The following OR4P4 variants were observed in gnomAD, a reference collection of about 807,000 sequenced individuals.
The protein encoded by OR4P4 is olfactory receptor 4P4.
In OR4P4, 1 loss-of-function variant was observed where a neutral mutation model predicts 2.1. That is an observed-to-expected ratio of 0.47 (90% CI 0.17 to 2.21). OR4P4 has a LOEUF of 2.21. Ranked by LOEUF, OR4P4 falls within the 30% of genes most tolerant of loss-of-function variation. OR4P4 has a pLI of 0.27. For synonymous variants in OR4P4, 129 were observed against 133.2 expected (o/e 0.97, Z 0.22); for missense variants, 375 against 376.5 (o/e 1.00, Z 0.03).
Position 55,640,207 on chromosome 11 carries a change from AAG to A in OR4P4, c.*914_*915del, listed in dbSNP as rs1200803142. 4.4e-5 allele frequency: 6 copies of A among 136,494 alleles called. 1 individual carries two copies. In the Admixed American group the frequency reaches 4.8e-4, roughly 11 times the overall value. The allele number at this position is 136,494 out of a possible 1,614,324, so 8.5% of individuals were successfully genotyped here. A position where few individuals can be genotyped will look rare whatever the true frequency, so the allele number is the denominator to read the frequency against. On this transcript the variant is annotated 3_prime_UTR_variant, in exon 2 of 2. Transcript: ENST00000641760. ...TATCTTTTCTTGTACTTTGAAGAGT[AAG>A]AGTGATTTACATTTTGTTGCTGCGT...
rs764901711 is a variant in OR4P4 at position 55,639,093 on chromosome 11, G to C, written c.736G>C (p.Val246Leu). 7 of 1,492,998 alleles carry C rather than the reference G, an allele frequency of 4.7e-6. 2 individuals carry two copies. The highest frequency in any genetic ancestry group is 2.4e-5 in the South Asian group (2 of 84,902). 92.5% of individuals were successfully genotyped at this position (1,492,998 alleles called of 1,614,324 possible). The change falls in exon 2 of 2, where the codon GTC (valine) becomes CTC (leucine). Residue 246 changes from valine (V) to leucine (L), a missense_variant. Coordinates refer to ENST00000641760, the Ensembl canonical transcript of OR4P4. Reference sequence around the variant, plus strand: ...TTGTAGTTCTCATGTAATTGTTGTGGTCCTGTTTTTTGCACCTGCATTGTT... The same window carrying C: ...TTGTAGTTCTCATGTAATTGTTGTGCTCCTGTTTTTTGCACCTGCATTGTT...
chr11:55,638,663 C>T lies in OR4P4; in HGVS notation c.306C>T (p.Thr102=). The T allele has an allele frequency of 4.0e-6, 6 of 1,492,582 alleles. 2 individuals carry two copies. Among genetic ancestry groups the T allele is most frequent in the Non-Finnish European group, 3.6e-6 (4 of 1,097,160 alleles). The allele number at this position is 1,492,582 out of a possible 1,614,324, so 92.5% of individuals were successfully genotyped here. The change falls in exon 2 of 2, where the codon ACC becomes ACT. Residue 102 remains threonine, a synonymous_variant. Transcript: ENST00000641760. ...ACTGTATGATACAACTCTTTACCAC[C>T]CATTTTTTTGGAGGCATAGAGATCT...
At position 55,638,106 on chromosome 11, in the gene OR4P4, T is replaced by C. The variant is rs1858409532; in HGVS notation, c.-30-222T>C. On this transcript the variant is annotated intron_variant, in intron 1 of 1. Transcript: ENST00000641760. ...ATTGAACAATAGAATTCATACCTAC[T>C]AGGGCAGGGATTGATCACAGTGTGC... is the stretch of plus-strand genomic sequence containing the variant. 1.5e-5 allele frequency among the ~76,000 whole-genome samples: 2 copies of C among 137,146 alleles called. 1 individual carries two copies. Among genetic ancestry groups the C allele is most frequent in the Non-Finnish European group, 3.2e-5 (2 of 61,718 alleles). 90.0% of individuals were successfully genotyped at this position (137,146 alleles called of 152,430 possible).
chr11:55,637,648 C>G (rs1197156685), intron 1 of OR4P4, among the ~76,000 whole-genome samples: 1 of 137,584 alleles, frequency 7.3e-6, no homozygotes, highest in Admixed American at 7.9e-5. Flanking sequence ...GAAATTAGGG[C>G]TGAAAATGTA....
At chr11:55,638,712 G>A in exon 2 of OR4P4, 1 of 1,492,200 alleles carries the variant, frequency 6.7e-7, no homozygotes, top group Non-Finnish European at 9.1e-7. Context: ...GATGGCCTAT[G>A]ACCGCTATGT....
chr11:55,639,088 T>C, exon 2 of OR4P4: 1 of 1,493,044 alleles, frequency 6.7e-7, no homozygotes, highest in Non-Finnish European at 9.1e-7. Context: ...CATGTAATTG[T>C]TGTGGTCCTG....
exon 2 of OR4P4, chr11:55,639,048 C>T (rs61896975): frequency 0.072 from 107,996 of 1,490,652 alleles, 24,757 homozygotes; most frequent in Non-Finnish European, 0.083. Context: ...TGCAGAGAGA[C>T]GCAGCAAAGC....
At position 55,639,132 on chromosome 11, in the gene OR4P4, C is replaced by T. The variant is rs2120184550; in HGVS notation, c.775C>T (p.Pro259Ser). ...ACCTGCATTGTTCATTTACATTAGA[C>T]CGGTCACAACATTCTCAGAAGATAA... Residue 259 changes from proline to serine, a missense_variant, in exon 2 of 2, where the codon CCG (proline) becomes TCG (serine). Coordinates refer to ENST00000641760, the Ensembl canonical transcript of OR4P4. The T allele has an allele frequency of 2.0e-6, 3 of 1,493,676 alleles. 1 individual carries two copies. Among genetic ancestry groups the T allele is most frequent in the East Asian group, 5.2e-5 (2 of 38,780 alleles). The allele number at this position is 1,493,676 out of a possible 1,614,324, so 92.5% of individuals were successfully genotyped here.
At chr11:55,639,252 G>T in exon 2 of OR4P4, 1 of 1,479,978 alleles carries the variant, frequency 6.8e-7, no homozygotes, top group Non-Finnish European at 9.2e-7. Context: ...CATGAGGAAA[G>T]TGTGGTGTTG....
At chr11:55,638,684 G>A in exon 2 of OR4P4, 2 of 1,491,802 alleles carry the variant, frequency 1.3e-6, no homozygotes, top group Non-Finnish European at 1.8e-6. Context: ...GAGGCATAGA[G>A]ATCTTCATTC....
At position 55,635,235 on chromosome 11, in the gene OR4P4, G is replaced by A. The variant is rs1483422602; in HGVS notation, c.-31+19G>A. On this transcript the variant is annotated intron_variant, in intron 1 of 1. Coordinates refer to ENST00000641760, the Ensembl canonical transcript of OR4P4. ...CTAATTGGTGAGTTGATTACATGGG[G>A]GACATATAAATAATTAACTGTAAGT... 7.3e-6 allele frequency: 1 copy of A among 137,536 alleles called. No homozygotes were observed. Among genetic ancestry groups the A allele is most frequent in the African/African-American group, 2.5e-5 (1 of 39,822 alleles). The allele number at this position is 137,536 out of a possible 1,614,324, so 8.5% of individuals were successfully genotyped here. A position where few individuals can be genotyped will look rare whatever the true frequency, so the allele number is the denominator to read the frequency against.
intron 1 of OR4P4, 117 bp from the exon 2 acceptor site, chr11:55,638,211 A>C (rs1748161905): frequency 2.1e-6 from 1 of 486,482 alleles, no homozygotes; most frequent in South Asian, 3.4e-5. Context: ...AATACCAGAT[A>C]TTTACTCTCT....
rs771367613 is a variant in OR4P4 at position 55,638,539 on chromosome 11, T to A, written c.182T>A (p.Leu61His). The A allele has an allele frequency of 2.7e-6, 4 of 1,483,964 alleles. 1 individual carries two copies. In the South Asian group the frequency reaches 4.8e-5, roughly 18 times the overall value. The allele number at this position is 1,483,964 out of a possible 1,614,324, so 91.9% of individuals were successfully genotyped here. A position where few individuals can be genotyped will look rare whatever the true frequency, so the allele number is the denominator to read the frequency against. ...ATTCACCAACCCATGTATTTCTTCC[T>A]CAATTACCTCTCACTCTCCGACCTT... is the stretch of plus-strand genomic sequence containing the variant. Residue 61 changes from leucine to histidine, a missense_variant, in exon 2 of 2, where the codon CTC becomes CAC. Physicochemically the swap from Leu to His is moderately conservative, Grantham distance 99 (BLOSUM62 -3). Coordinates refer to ENST00000641760, the Ensembl canonical transcript of OR4P4.
rs1362932145 is a variant in OR4P4 at position 55,637,863 on chromosome 11, G to A, written c.-30-465G>A. ...TTTATGCAATCAAATCCCATTTGTT[G>A]ATATCAATATTGCTAATGCTTAGTG... On this transcript the variant is annotated intron_variant, in intron 1 of 1. Coordinates refer to ENST00000641760, the Ensembl canonical transcript of OR4P4. Among the ~76,000 whole-genome samples the A allele has an allele frequency of 2.2e-5, 3 of 137,902 alleles. 1 individual carries two copies. Among genetic ancestry groups the A allele is most frequent in the East Asian group, 2.4e-4 (1 of 4,232 alleles). 90.5% of individuals were successfully genotyped at this position (137,902 alleles called of 152,430 possible). A position where few individuals can be genotyped will look rare whatever the true frequency, so the allele number is the denominator to read the frequency against.
intron 1 of OR4P4, among the ~76,000 whole-genome samples, chr11:55,636,344 T>A (rs2120179042): frequency 7.2e-6 from 1 of 138,258 alleles, no homozygotes. Context: ...GATCCTGAAC[T>A]GATTCAGTTT....
exon 2 of OR4P4, chr11:55,638,772 T>G (rs1394489139): frequency 6.7e-7 from 1 of 1,492,898 alleles, no homozygotes; most frequent in Non-Finnish European, 9.1e-7. Context: ...CAGGCAAAAG[T>G]GTAACACAAT....
exon 2 of OR4P4, chr11:55,638,716 G>T (rs143338269): frequency 6.7e-7 from 1 of 1,491,486 alleles, no homozygotes; most frequent in African/African-American, 1.4e-5. Context: ...GCCTATGACC[G>T]CTATGTGGCC....
intron 1 of OR4P4, among the ~76,000 whole-genome samples, chr11:55,637,827 G>A (rs1858406092): frequency 7.2e-6 from 1 of 137,998 alleles, no homozygotes; most frequent in Non-Finnish European, 1.6e-5. Flanking sequence ...CACCTACAAC[G>A]TTGGTTTTAG....
Position 55,637,269 on chromosome 11 carries a change from G to A in OR4P4, c.-30-1059G>A, listed in dbSNP as rs2120180623. Among the ~76,000 whole-genome samples, 2 of 138,456 alleles carry A rather than the reference G, an allele frequency of 1.4e-5. 1 individual carries two copies. Among genetic ancestry groups the A allele is most frequent in the South Asian group, 4.7e-4 (2 of 4,274 alleles). The allele number at this position is 138,456 out of a possible 152,430, so 90.8% of individuals were successfully genotyped here. ...TTAATATGCTTGTTGGGGTTAAGAA[G>A]TGTATTTCAGGTGGGTTTTAAATAA... On this transcript the variant is annotated intron_variant, in intron 1 of 1. Coordinates refer to ENST00000641760, the Ensembl canonical transcript of OR4P4.
Sources: gnomAD v4.1 joint callset for allele counts (sites outside exome capture counted in the v4.1 genomes callset) on GRCh38, gnomAD v4.1.1 for gene constraint, MANE v1.5 for transcripts, NCBI Gene and HGNC (gene_info 2026-07-23, HGNC 2026-07-21) for gene names.